FAM81A: variants seen among roughly 807,000 people sequenced by gnomAD.
The protein encoded by FAM81A is protein FAM81A.
A neutral mutation model predicts 46.7 loss-of-function variants in FAM81A; 19 were observed. That is an observed-to-expected ratio of 0.41 (90% CI 0.28 to 0.60). The LOEUF is 0.60. FAM81A is among the 20% of genes least tolerant of loss of function. The probability of loss-of-function intolerance (pLI) is 0.34; values close to 1 mark genes in which losing one functional copy is unlikely to be tolerated. For synonymous variants in FAM81A, 183 were observed against 152.9 expected, an observed-to-expected ratio of 1.20 and a Z score of -1.45; for missense variants, 377 against 453.5, an observed-to-expected ratio of 0.83 and a Z score of 1.53.
intron 2 of FAM81A, among the ~76,000 whole-genome samples, chr15:59,431,265 C>A (rs532214934): frequency 6.6e-6 from 1 of 151,704 alleles, no homozygotes; most frequent in African/African-American, 2.4e-5. Flanking sequence ...GATGGAGTCT[C>A]GCTTTGTCAC....
chr15:59,419,117 C>G (rs1033313002), intron 2 of FAM81A, among the ~76,000 whole-genome samples: 5 of 152,168 alleles, frequency 3.3e-5, no homozygotes, highest in Non-Finnish European at 7.4e-5. Context: ...GTTCGATTAT[C>G]TGTAGGCCTA....
At chr15:59,463,844 A>T (rs1200895489) in intron 3 of FAM81A, among the ~76,000 whole-genome samples, 3 of 152,136 alleles carry the variant, frequency 2.0e-5, no homozygotes, top group African/African-American at 7.2e-5. Flanking sequence ...TAAAAATTTT[A>T]AAATTGACAG....
chr15:59,481,124 A>G (rs1328090737), intron 3 of FAM81A, among the ~76,000 whole-genome samples: 1 of 151,896 alleles, frequency 6.6e-6, no homozygotes, highest in Non-Finnish European at 1.5e-5. Context: ...CCTCCCGAAT[A>G]GCTAGGACCA....
chr15:59,485,480 C>T (rs1323300722), intron 3 of FAM81A, among the ~76,000 whole-genome samples: 2 of 152,140 alleles, frequency 1.3e-5, no homozygotes, highest in Non-Finnish European at 2.9e-5. Flanking sequence ...GCCTGGTAAT[C>T]CAGAGAAATC....
At chr15:59,499,909 G>A (rs2082073877) in intron 4 of FAM81A, among the ~76,000 whole-genome samples, 1 of 148,810 alleles carries the variant, frequency 6.7e-6, no homozygotes, top group South Asian at 2.1e-4. Context: ...CTGAAGTGCA[G>A]TGGCATGATC....
intron 2 of FAM81A, among the ~76,000 whole-genome samples, chr15:59,421,985 T>G (rs1042957652): frequency 2.6e-5 from 4 of 152,124 alleles, no homozygotes; most frequent in Non-Finnish European, 5.9e-5. Context: ...GAAAAGAAAG[T>G]TCATATGGCC....
rs115258193 is a variant in FAM81A, at chr15:59,401,365, A to G, written c.-160-911A>G. 1.6e-5 allele frequency: 13 copies of G among 788,752 alleles called. No homozygotes were observed. The African/African-American group carries it at 1.9e-4, about 11-fold the overall frequency. 48.9% of individuals were successfully genotyped at this position (788,752 alleles called of 1,614,324 possible). A position where few individuals can be genotyped will look rare whatever the true frequency, so the allele number is the denominator to read the frequency against. On this transcript the variant is annotated intron_variant, in intron 1 of 4. Transcript: ENST00000558348. ...CCATGGCAGTACCTTTGGTAATAAC[A>G]CCCAAAGTTGTATACAGTGGGGACG...
rs116797574 is a variant in FAM81A, at chr15:59,478,203, C to T, written c.295-14068C>T. On this transcript the variant is annotated intron_variant, in intron 3 of 8. Transcript: ENST00000288228. ...GGGAACCATGCAGTGGGGTCTGCCA[C>T]CTGGCTGGTTAGAATCTGCGGACCT... 5.7e-3 allele frequency among the ~76,000 whole-genome samples: 870 copies of T among 152,250 alleles called. 7 individuals are homozygous for T. The highest frequency in any genetic ancestry group is 0.02 in the African/African-American group (823 of 41,538).
chr15:59,418,338 A>C (rs1430968087), intron 2 of FAM81A, among the ~76,000 whole-genome samples: 1 of 152,212 alleles, frequency 6.6e-6, no homozygotes, highest in Non-Finnish European at 1.5e-5. Flanking sequence ...CTTTGGATGC[A>C]ATTTATCTAA....
intron 2 of FAM81A, among the ~76,000 whole-genome samples, chr15:59,403,553 C>T (rs1250828035): frequency 6.6e-6 from 1 of 152,160 alleles, no homozygotes; most frequent in Admixed American, 6.5e-5. Context: ...GCTTAAGACA[C>T]CCTGACACTG....
intron 2 of FAM81A, among the ~76,000 whole-genome samples, chr15:59,429,167 T>A (rs1388730752): frequency 6.6e-6 from 1 of 152,234 alleles, no homozygotes; most frequent in African/African-American, 2.4e-5. Context: ...GGAAAACTGA[T>A]GTTATTCGGA....
At chr15:59,498,751 T>G (rs2082060108) in intron 4 of FAM81A, among the ~76,000 whole-genome samples, 1 of 152,104 alleles carries the variant, frequency 6.6e-6, no homozygotes, top group South Asian at 2.1e-4. Context: ...CCCCTCCAGG[T>G]TCAAGTGATT....
At chr15:59,496,252 G>A (rs758560034) in intron 4 of FAM81A, among the ~76,000 whole-genome samples, 8 of 152,124 alleles carry the variant, frequency 5.3e-5, no homozygotes, top group Non-Finnish European at 1.0e-4. Context: ...ATTTATCCCA[G>A]CATAATTTGT....
chr15:59,465,993 A>G (rs2081608464), intron 3 of FAM81A, among the ~76,000 whole-genome samples: 1 of 152,202 alleles, frequency 6.6e-6, no homozygotes, highest in Middle Eastern at 3.2e-3. Flanking sequence ...TTTGCTGAGA[A>G]TGATGGTTTC....
chr15:59,512,511 A>G (rs898990333), intron 6 of FAM81A, among the ~76,000 whole-genome samples: 15 of 151,778 alleles, frequency 9.9e-5, no homozygotes, highest in African/African-American at 3.4e-4. Context: ...ATGCTGAAAA[A>G]TATGCTGTTT....
intron 4 of FAM81A, among the ~76,000 whole-genome samples, chr15:59,497,104 G>A (rs1356548156): frequency 4.0e-5 from 6 of 151,154 alleles, no homozygotes; most frequent in Non-Finnish European, 1.5e-5. Flanking sequence ...GGGTGACAGA[G>A]CAAAACTTTG....
chr15:59,405,970 C>T (rs1222866926), intron 2 of FAM81A, among the ~76,000 whole-genome samples: 1 of 152,174 alleles, frequency 6.6e-6, no homozygotes, highest in Non-Finnish European at 1.5e-5. Flanking sequence ...TGCAGTCTGC[C>T]ACTCGCTCCT....
At chr15:59,455,948 C>T (rs540399232) in intron 1 of FAM81A, among the ~76,000 whole-genome samples, 1 of 152,320 alleles carries the variant, frequency 6.6e-6, no homozygotes, top group East Asian at 1.9e-4. Flanking sequence ...GGCATTCACT[C>T]ATTCATTAAC....
At chr15:59,486,692 C>G (rs749704809) in intron 3 of FAM81A, among the ~76,000 whole-genome samples, 1 of 152,022 alleles carries the variant, frequency 6.6e-6, no homozygotes, top group African/African-American at 2.4e-5. Context: ...CAATGGAGCT[C>G]CAATAAGTTT....
Sources: allele counts gnomAD v4.1 joint callset (sites outside exome capture counted in the v4.1 genomes callset), GRCh38; gene constraint gnomAD v4.1.1; transcripts MANE v1.5; gene names NCBI Gene and HGNC (gene_info 2026-07-23, HGNC 2026-07-21).